Variants in CACNB2 observed in about 807,000 individuals in gnomAD.
CACNB2 encodes calcium voltage-gated channel auxiliary subunit beta 2.
Under a neutral mutation model 73.3 loss-of-function variants are expected in CACNB2, and 42 were observed. That is an observed-to-expected ratio of 0.57 (90% confidence interval 0.45 to 0.74). The LOEUF is 0.74. Ranked by LOEUF, CACNB2 falls within the 30% of genes least tolerant of loss-of-function variation. The pLI is 0.00. For missense variants in CACNB2, 940 were observed against 853.0 expected (o/e 1.10, Z -1.27); for synonymous variants, 348 against 310.3 (o/e 1.12, Z -1.28).
intron 2 of CACNB2, among the ~76,000 whole-genome samples, chr10:18,381,338 T>C (rs1282631943): frequency 2.0e-5 from 3 of 151,992 alleles, no homozygotes; most frequent in Non-Finnish European, 4.4e-5. Flanking sequence ...AACCATTTGG[T>C]AATATACCTA....
intron 2 of CACNB2, among the ~76,000 whole-genome samples, chr10:18,235,528 A>G (rs544950085): frequency 6.6e-6 from 1 of 152,380 alleles, no homozygotes; most frequent in South Asian, 2.1e-4. Context: ...AATAATAATA[A>G]TAAAACAACA....
chr10:18,378,518 GC>G (rs2006948890), intron 2 of CACNB2, among the ~76,000 whole-genome samples: 1 of 152,188 alleles, frequency 6.6e-6, no homozygotes, highest in South Asian at 2.1e-4. Context: ...GGAGGCTAAG[GC>G]AGGGGGATCA....
intron 2 of CACNB2, among the ~76,000 whole-genome samples, chr10:18,211,114 T>C (rs1245907852): frequency 6.6e-6 from 1 of 152,174 alleles, no homozygotes; most frequent in African/African-American, 2.4e-5. Context: ...CTGTTGATGT[T>C]GTAAACAGAC....
intron 3 of CACNB2, among the ~76,000 whole-genome samples, chr10:18,422,613 A>G (rs2045386334): frequency 6.6e-6 from 1 of 152,058 alleles, no homozygotes; most frequent in South Asian, 2.1e-4. Flanking sequence ...CCTTTTTCAC[A>G]GCATATTGGG....
chr10:18,259,306 T>G (rs901486133), intron 2 of CACNB2, among the ~76,000 whole-genome samples: 2 of 151,188 alleles, frequency 1.3e-5, no homozygotes, highest in African/African-American at 2.4e-5. Context: ...TGACTCACAC[T>G]TGTAATCCTA....
chr10:18,353,972 C>G (rs1436571275), intron 2 of CACNB2, among the ~76,000 whole-genome samples: 2 of 152,178 alleles, frequency 1.3e-5, no homozygotes, highest in Non-Finnish European at 2.9e-5. Flanking sequence ...GCTTGGCACT[C>G]ATTAATACCA....
At chr10:18,375,815 C>T (rs2042775683) in intron 2 of CACNB2, among the ~76,000 whole-genome samples, 1 of 152,118 alleles carries the variant, frequency 6.6e-6, no homozygotes, top group African/African-American at 2.4e-5. Context: ...CAGGAAATTG[C>T]CTCCAAATAC....
chr10:18,480,864 T>G (rs6482471), intron 3 of CACNB2, among the ~76,000 whole-genome samples: 61,826 of 151,926 alleles, frequency 0.41, 13,095 homozygotes, highest in East Asian at 0.53. Context: ...CATAGGAGAC[T>G]TACATAAACA....
At position 18,499,507 on chromosome 10, in the gene CACNB2, C is replaced by T. The variant is rs141447917; in HGVS notation, c.456+1030C>T. 3.7e-3 allele frequency among the ~76,000 whole-genome samples: 558 copies of T among 150,898 alleles called. 2 individuals carry two copies. Among genetic ancestry groups the T allele is most frequent in the African/African-American group, 0.013 (537 of 41,058 alleles). ...GCACATGCCTGTAATCTCAGCTACT[C>T]GAGAGGCTGAGGCAGAAGAATAGCT... On this transcript the variant is annotated intron_variant, in intron 4 of 13. Transcript: ENST00000324631.
intron 2 of CACNB2, among the ~76,000 whole-genome samples, chr10:18,379,557 C>T (rs1000074066): frequency 6.6e-6 from 1 of 152,060 alleles, no homozygotes; most frequent in Non-Finnish European, 1.5e-5. Flanking sequence ...AGCACTAATC[C>T]ATCACATTGT....
chr10:18,226,136 C>T (rs1264651395), intron 2 of CACNB2, among the ~76,000 whole-genome samples: 1 of 151,874 alleles, frequency 6.6e-6, no homozygotes, highest in Non-Finnish European at 1.5e-5. Flanking sequence ...AAGTGATCCT[C>T]CCACCTCATC....
rs141503798 is a variant in CACNB2, at chr10:18,308,068, A to T, written c.214-93856A>T. ...GAGTACAGTGGTGTGATCTTGGCTC[A>T]CTGCAACCTCCACCTCCCAGGTTCA... is the stretch of plus-strand genomic sequence containing the variant. On this transcript the variant is annotated intron_variant, in intron 2 of 13. Transcript: ENST00000324631. 5.1e-4 allele frequency among the ~76,000 whole-genome samples: 66 copies of T among 129,336 alleles called. 1 individual carries two copies. The highest frequency in any genetic ancestry group is 1.8e-3 in the African/African-American group (59 of 32,914). The allele number at this position is 129,336 out of a possible 152,430, so 84.8% of individuals were successfully genotyped here.
At chr10:18,184,927 C>T (rs138499853) in intron 2 of CACNB2, among the ~76,000 whole-genome samples, 2,575 of 152,216 alleles carry the variant, frequency 0.017, 31 homozygotes, top group Non-Finnish European at 0.027. Flanking sequence ...GCAGCTTCAA[C>T]CTCCCAGGCT....
intron 3 of CACNB2, among the ~76,000 whole-genome samples, chr10:18,484,838 C>CAT (rs2048976016): frequency 6.6e-6 from 1 of 152,100 alleles, no homozygotes; most frequent in African/African-American, 2.4e-5. Context: ...CTTGCACTTA[C>CAT]ATATATATAT....
intron 2 of CACNB2, among the ~76,000 whole-genome samples, chr10:18,225,734 G>C (rs2035967477): frequency 6.6e-6 from 1 of 151,896 alleles, no homozygotes; most frequent in South Asian, 2.1e-4. Context: ...CCACCTCCCG[G>C]GCTCTAATGA....
At chr10:18,418,595 C>T (rs1159604615) in intron 3 of CACNB2, among the ~76,000 whole-genome samples, 1 of 152,198 alleles carries the variant, frequency 6.6e-6, no homozygotes, top group Non-Finnish European at 1.5e-5. Flanking sequence ...ATCCCAGCGG[C>T]CGTACTTCAA....
intron 2 of CACNB2, among the ~76,000 whole-genome samples, chr10:18,297,342 A>C (rs2039319499): frequency 6.6e-6 from 1 of 152,164 alleles, no homozygotes; most frequent in Non-Finnish European, 1.5e-5. Flanking sequence ...CCAGGAGTTT[A>C]AGAACAGCCT....
intron 3 of CACNB2, among the ~76,000 whole-genome samples, chr10:18,472,716 G>A (rs1018239653): frequency 4.6e-5 from 7 of 152,144 alleles, no homozygotes; most frequent in African/African-American, 7.2e-5. Flanking sequence ...CTTAATAAAC[G>A]TATTGGTTTA....
chr10:18,526,933 T>TA (rs78502637), intron 9 of CACNB2, among the ~76,000 whole-genome samples: 2 of 152,270 alleles, frequency 1.3e-5, no homozygotes, highest in East Asian at 3.9e-4. Flanking sequence ...TACCCTTGGA[T>TA]AAAAAATCTC....
Sources: allele counts gnomAD v4.1 joint callset (sites outside exome capture counted in the v4.1 genomes callset), GRCh38; gene constraint gnomAD v4.1.1; transcripts MANE v1.5; gene names NCBI Gene and HGNC (gene_info 2026-07-23, HGNC 2026-07-21).